Variants in PTPRD observed in about 807,000 individuals in gnomAD.
PTPRD encodes the protein protein tyrosine phosphatase receptor type D.
Under a neutral mutation model 214.5 loss-of-function variants are expected in PTPRD, and 34 were observed. The observed-to-expected ratio is 0.16, with a 90% confidence interval of 0.12 to 0.21. The LOEUF is 0.21. PTPRD is among the 10% of genes least tolerant of loss of function. The pLI, the probability that PTPRD is intolerant of heterozygous loss-of-function variation, is 1.00. For missense variants in PTPRD, 2,545 were observed against 2,398.7 expected (o/e 1.06, Z -1.27); for synonymous variants, 1,128 against 845.7 (o/e 1.33, Z -5.79).
chr9:8,508,394 G>A (rs556275587), intron 21 of PTPRD, among the ~76,000 whole-genome samples: 8 of 152,230 alleles, frequency 5.3e-5, no homozygotes, highest in African/African-American at 1.2e-4. Context: ...TCAGGGTGTC[G>A]CTGGCACATC....
intron 10 of PTPRD, among the ~76,000 whole-genome samples, chr9:9,038,965 T>C (rs796675961): frequency 2.6e-5 from 4 of 152,278 alleles, no homozygotes; most frequent in African/African-American, 9.6e-5. Context: ...TGTATTTTCA[T>C]GAGTATTACT....
At chr9:8,844,505 G>C (rs1003382618) in intron 11 of PTPRD, among the ~76,000 whole-genome samples, 2 of 151,926 alleles carry the variant, frequency 1.3e-5, no homozygotes, top group African/African-American at 4.8e-5. Flanking sequence ...TAAAAGCCTT[G>C]AAATAAAATA....
At chr9:9,400,684 G>A (rs1252356666) in intron 8 of PTPRD, among the ~76,000 whole-genome samples, 4 of 151,950 alleles carry the variant, frequency 2.6e-5, no homozygotes, top group African/African-American at 9.7e-5. Context: ...ACTATTGATT[G>A]AGAGAAGAAG....
intron 4 of PTPRD, among the ~76,000 whole-genome samples, chr9:9,962,950 T>A (rs555578755): frequency 6.6e-6 from 1 of 152,166 alleles, no homozygotes; most frequent in East Asian, 1.9e-4. Flanking sequence ...GGGAGTCTGC[T>A]GTGGCCATAA....
chr9:8,674,219 C>T (rs144872091), intron 12 of PTPRD, among the ~76,000 whole-genome samples: 1 of 151,952 alleles, frequency 6.6e-6, no homozygotes, highest in African/African-American at 2.4e-5. Flanking sequence ...CGGCACTTTG[C>T]GAGGCCGAGG....
chr9:8,708,241 T>C (rs988715550), intron 12 of PTPRD, among the ~76,000 whole-genome samples: 1 of 152,128 alleles, frequency 6.6e-6, no homozygotes, highest in East Asian at 1.9e-4. Flanking sequence ...TCATGTCTGT[T>C]AGAGTGGTTG....
chr9:10,162,966 T>A (rs955190712), intron 3 of PTPRD, among the ~76,000 whole-genome samples: 1 of 150,768 alleles, frequency 6.6e-6, no homozygotes, highest in Non-Finnish European at 1.5e-5. Context: ...CCAAAAGGAA[T>A]ATATAATGGA....
chr9:9,975,785 T>A (rs2095329995), intron 4 of PTPRD, among the ~76,000 whole-genome samples: 2 of 152,180 alleles, frequency 1.3e-5, no homozygotes, highest in South Asian at 2.1e-4. Context: ...CACTTATTAG[T>A]TCTGTTACCT....
chr9:9,901,058 C>A (rs2076282720), intron 5 of PTPRD, among the ~76,000 whole-genome samples: 1 of 152,142 alleles, frequency 6.6e-6, no homozygotes, highest in African/African-American at 2.4e-5. Context: ...ATGGCACCAG[C>A]ATCCACCTAG....
intron 39 of PTPRD, among the ~76,000 whole-genome samples, chr9:8,350,555 T>G (rs1185797901): frequency 1.3e-5 from 2 of 152,160 alleles, no homozygotes; most frequent in African/African-American, 4.8e-5. Context: ...GTGACTCTGA[T>G]GAGGCTGCCA....
intron 8 of PTPRD, among the ~76,000 whole-genome samples, chr9:9,540,485 T>C (rs1010340481): frequency 1.3e-5 from 2 of 151,652 alleles, no homozygotes; most frequent in Non-Finnish European, 2.9e-5. Flanking sequence ...CTGAGTGAAA[T>C]AGGAGTACCA....
chr9:10,152,289 T>C (rs1274348653), intron 3 of PTPRD, among the ~76,000 whole-genome samples: 2 of 152,180 alleles, frequency 1.3e-5, no homozygotes, highest in African/African-American at 4.8e-5. Context: ...TTTGAATATC[T>C]TTTTTATGTG....
intron 9 of PTPRD, among the ~76,000 whole-genome samples, chr9:9,208,071 G>A (rs2099946114): frequency 9.8e-6 from 1 of 101,592 alleles, no homozygotes. Flanking sequence ...CCAGTCTGGA[G>A]TGCAGTGGTG....
At position 8,507,402 on chromosome 9, in the gene PTPRD, G is replaced by A; in HGVS notation, c.1576C>T (p.Pro526Ser). ...AGCAAAATACTTGTTTCAGACTCAG[G>A]TTCTGCTTTGAAGTTTAGTGGCTGC... Reference protein sequence around the residue: ...PGQPLNFKAEPESETSILLSW... With the variant: ...PGQPLNFKAESESETSILLSW... Residue 526 changes from proline to serine, a missense_variant, in exon 22 of 46, where the codon CCT becomes TCT. Physicochemically the swap from Pro to Ser is moderately conservative, Grantham distance 74. Transcript: ENST00000381196. 3.1e-6 allele frequency: 5 copies of A among 1,613,978 alleles called. No individual in the cohort carries two copies. Among genetic ancestry groups the A allele is most frequent in the Non-Finnish European group, 4.2e-6 (5 of 1,179,868 alleles).
At chr9:9,106,169 G>T (rs2099798306) in intron 10 of PTPRD, among the ~76,000 whole-genome samples, 1 of 151,962 alleles carries the variant, frequency 6.6e-6, no homozygotes, top group South Asian at 2.1e-4. Context: ...GTGTTATAGG[G>T]CTTCAGGTAC....
intron 14 of PTPRD, among the ~76,000 whole-genome samples, chr9:8,548,241 G>A (rs1407046848): frequency 6.6e-6 from 1 of 152,148 alleles, no homozygotes; most frequent in East Asian, 1.9e-4. Context: ...TTTGTTTGCG[G>A]ACAGGGGTAG....
intron 9 of PTPRD, among the ~76,000 whole-genome samples, chr9:9,195,762 A>G (rs2099938224): frequency 6.6e-6 from 1 of 152,022 alleles, no homozygotes; most frequent in Non-Finnish European, 1.5e-5. Context: ...GGAAGTATAC[A>G]TAGGCTGTAA....
chr9:8,770,964 G>T (rs879815463), intron 11 of PTPRD, among the ~76,000 whole-genome samples: 5 of 152,038 alleles, frequency 3.3e-5, no homozygotes, highest in African/African-American at 4.8e-5. Flanking sequence ...TGGATCACAA[G>T]GTCAGGAGAT....
At chr9:9,766,967 T>C (rs1337352652) in intron 5 of PTPRD, 116 bp from the exon 6 acceptor site, 2 of 152,170 alleles carry the variant, frequency 1.3e-5, no homozygotes, top group African/African-American at 2.4e-5. Context: ...ATTGCTCATA[T>C]TGTGTATCTT....
Sources: gnomAD v4.1 joint callset for allele counts (sites outside exome capture counted in the v4.1 genomes callset) on GRCh38, gnomAD v4.1.1 for gene constraint, MANE v1.5 for transcripts, NCBI Gene and HGNC (gene_info 2026-07-23, HGNC 2026-07-21) for gene names.